The following UBE2E1 variants were observed in gnomAD, a reference collection of about 807,000 sequenced individuals.
UBE2E1 encodes ubiquitin-conjugating enzyme E2 E1.
UBE2E1 carries 6 observed loss-of-function variants against 21.4 expected under a neutral mutation model. That is an observed-to-expected ratio of 0.28 (90% CI 0.15 to 0.55). The LOEUF (loss-of-function observed/expected upper bound fraction) is 0.55, where lower values mean the gene tolerates loss of function less well. UBE2E1 is among the 20% of genes least tolerant of loss of function. UBE2E1 has a pLI of 0.93. For synonymous variants in UBE2E1, 87 were observed against 82.7 expected (o/e 1.05, Z -0.28); for missense variants, 142 against 236.5 (o/e 0.60, Z 2.62).
At position 23,863,438 on chromosome 3, in the gene UBE2E1, A is replaced by G. The variant is rs995958182; in HGVS notation, c.204-24129A>G. 2.6e-5 allele frequency among the ~76,000 whole-genome samples: 4 copies of G among 152,002 alleles called. No individual in the cohort carries two copies. Among genetic ancestry groups the G allele is most frequent in the African/African-American group, 7.3e-5 (3 of 41,352 alleles). ...GCCCTTCCCTACCCACTACATATAT[A>G]TACTTGTCACAAATTCAACCCCAGA... On this transcript the variant is annotated intron_variant, in intron 3 of 5. Coordinates refer to ENST00000306627, the MANE Select transcript of UBE2E1 (RefSeq NM_003341.5). This position sits in a 1 kb window ranked among gnomAD's most constrained non-coding sequence, Gnocchi z 4.3.
At position 23,842,243 on chromosome 3, in the gene UBE2E1, GTGT is replaced by G. The variant is rs1157821929; in HGVS notation, c.203+30734_203+30736del. 2.0e-4 allele frequency among the ~76,000 whole-genome samples: 13 copies of G among 65,572 alleles called. No individual in the cohort carries two copies. The highest frequency in any genetic ancestry group is 8.0e-4 in the African/African-American group (13 of 16,340). 43.0% of individuals were successfully genotyped at this position (65,572 alleles called of 152,430 possible). A position where few individuals can be genotyped will look rare whatever the true frequency, so the allele number is the denominator to read the frequency against. ...TGTGTGTGTGTGTGTGTGTGTGTGT[GTGT>G]GTGGTGTTGTTGTTGTTGGCGACAG... On this transcript the variant is annotated intron_variant, in intron 3 of 5. Transcript: ENST00000306627. The surrounding 1 kb of genome is among the most constrained non-coding windows in gnomAD (Gnocchi z 4.6).
intron 3 of UBE2E1, among the ~76,000 whole-genome samples, chr3:23,854,820 C>G (rs1304422130): frequency 6.6e-6 from 1 of 152,154 alleles, no homozygotes. Flanking sequence ...CCTAAGGTTA[C>G]ATGAGAATTC....
chr3:23,890,065 G>C (rs548422705), intron 5 of UBE2E1, among the ~76,000 whole-genome samples: 13 of 152,124 alleles, frequency 8.5e-5, no homozygotes, highest in Non-Finnish European at 1.5e-4. Flanking sequence ...CCAGCGTAAA[G>C]GTTAATAGTG....
In UBE2E1 at chr3:23,890,628, C is replaced by A. The variant is rs767496679; in HGVS notation, c.*22C>A. The A allele has an allele frequency of 6.3e-7, 1 of 1,588,290 alleles. No homozygotes were observed. The highest frequency in any genetic ancestry group is 1.7e-5 in the Admixed American group (1 of 58,994). On this transcript the variant is annotated 3_prime_UTR_variant, in exon 6 of 6. Transcript: ENST00000306627. ...ATAAATTGGGGTTTCACAATTCTTA[C>A]ATTATTTGTCTGTCACAGAAGAGAG...
chr3:23,821,740 A>G (rs1699650108), intron 3 of UBE2E1, among the ~76,000 whole-genome samples: 1 of 152,206 alleles, frequency 6.6e-6, no homozygotes, highest in Non-Finnish European at 1.5e-5. Flanking sequence ...GTAGACTCCT[A>G]GGCCTAGAAT....
Position 23,870,731 on chromosome 3 carries a change from A to G in UBE2E1, c.204-16836A>G, listed in dbSNP as rs1485503665. ...TCTTGGGTGTTTCTCGCAGAGGGGT[A>G]TTTGGCAGGGTCATAGGACAATAGT... On this transcript the variant is annotated intron_variant, in intron 3 of 5. Coordinates refer to ENST00000306627, the MANE Select transcript of UBE2E1 (RefSeq NM_003341.5). The surrounding 1 kb of genome is among the most constrained non-coding windows in gnomAD (Gnocchi z 4.2). 6.6e-6 allele frequency among the ~76,000 whole-genome samples: 1 copy of G among 151,852 alleles called. No individual in the cohort carries two copies. Among genetic ancestry groups the G allele is most frequent in the African/African-American group, 2.4e-5 (1 of 41,296 alleles).
chr3:23,835,396 A>T (rs1699955380), intron 3 of UBE2E1, among the ~76,000 whole-genome samples: 1 of 152,194 alleles, frequency 6.6e-6, no homozygotes, highest in African/African-American at 2.4e-5. Flanking sequence ...TGAGCCCAGG[A>T]GGTCGAGGCT....
chr3:23,854,492 C>T (rs541763226), intron 3 of UBE2E1, among the ~76,000 whole-genome samples: 5 of 152,320 alleles, frequency 3.3e-5, no homozygotes, highest in East Asian at 1.9e-4. Flanking sequence ...TCTGTCCCTT[C>T]GGGTCCATCC....
intron 3 of UBE2E1, among the ~76,000 whole-genome samples, chr3:23,828,024 G>C (rs1699793110): frequency 6.6e-6 from 1 of 151,976 alleles, no homozygotes; most frequent in Non-Finnish European, 1.5e-5. Context: ...ACTCCACACA[G>C]CTCTCATCTG....
chr3:23,866,147 C>G (rs1403937563), intron 3 of UBE2E1: 1 of 152,602 alleles, frequency 6.6e-6, no homozygotes, highest in Non-Finnish European at 1.5e-5. Flanking sequence ...TCTTGTCTCT[C>G]CAGGCCAGCC....
rs558436140 is a variant in UBE2E1, at chr3:23,870,289, A to T, written c.204-17278A>T. On this transcript the variant is annotated intron_variant, in intron 3 of 5. Transcript: ENST00000306627. The surrounding 1 kb of genome is among the most constrained non-coding windows in gnomAD (Gnocchi z 4.2). ...CGGGGGGACCATAGCTCCTTTTTTT[A>T]AAAAAAGGAGCCAGTTGTGAAGTCA... Among the ~76,000 whole-genome samples the T allele has an allele frequency of 2.6e-5, 4 of 152,214 alleles. No individual in the cohort carries two copies. Among genetic ancestry groups the T allele is most frequent in the South Asian group, 4.1e-4 (2 of 4,822 alleles).
intron 3 of UBE2E1, among the ~76,000 whole-genome samples, chr3:23,838,765 G>A (rs1449551340): frequency 6.6e-6 from 1 of 152,130 alleles, no homozygotes; most frequent in Non-Finnish European, 1.5e-5. Context: ...CCAGAGTGCC[G>A]GGATTACAGG....
chr3:23,847,005 G>A (rs1235145420), intron 3 of UBE2E1, among the ~76,000 whole-genome samples: 1 of 152,124 alleles, frequency 6.6e-6, no homozygotes. Flanking sequence ...AAGAAGATAA[G>A]CTAATTCTTG....
chr3:23,831,816 C>T (rs1173312114), intron 3 of UBE2E1, among the ~76,000 whole-genome samples: 2 of 152,074 alleles, frequency 1.3e-5, no homozygotes, highest in Admixed American at 6.5e-5. Context: ...CCTGCCTCAG[C>T]CTCCCAAATG....
intron 3 of UBE2E1, among the ~76,000 whole-genome samples, chr3:23,851,663 A>G (rs1700327263): frequency 6.6e-6 from 1 of 152,152 alleles, no homozygotes; most frequent in Non-Finnish European, 1.5e-5. Flanking sequence ...TAAGCCAGCC[A>G]TGGTGGTGCA....
At chr3:23,869,555 C>G (rs544703821) in intron 3 of UBE2E1, among the ~76,000 whole-genome samples, 17 of 151,028 alleles carry the variant, frequency 1.1e-4, no homozygotes, top group Middle Eastern at 3.4e-3. Flanking sequence ...TTTCCAGGTA[C>G]AAAGAACAAA....
chr3:23,864,306 C>T (rs573382964), intron 3 of UBE2E1, among the ~76,000 whole-genome samples: 136 of 151,948 alleles, frequency 9.0e-4, no homozygotes, highest in Non-Finnish European at 1.5e-3. Context: ...GGTCAGTTTT[C>T]CTCCAATGTA....
chr3:23,854,413 TG>T (rs1700393148), intron 3 of UBE2E1, among the ~76,000 whole-genome samples: 1 of 152,190 alleles, frequency 6.6e-6, no homozygotes, highest in African/African-American at 2.4e-5. Context: ...CTATCCTATG[TG>T]GAGAGCCAGT....
chr3:23,819,176 C>T (rs375149278), intron 3 of UBE2E1, among the ~76,000 whole-genome samples: 1 of 152,082 alleles, frequency 6.6e-6, no homozygotes, highest in African/African-American at 2.4e-5. Flanking sequence ...CCCAGCTACT[C>T]AGGAGGCTGA....
Sources: gnomAD v4.1 joint callset for allele counts (sites outside exome capture counted in the v4.1 genomes callset) on GRCh38, gnomAD v4.1.1 for gene constraint, Gnocchi (gnomAD v3.1) non-coding constraint, MANE v1.5 for transcripts, NCBI Gene and HGNC (gene_info 2026-07-23, HGNC 2026-07-21) for gene names.